The following PIK3CG variants were observed in gnomAD, a reference collection of about 807,000 sequenced individuals.
PIK3CG encodes the protein phosphatidylinositol 4,5-bisphosphate 3-kinase catalytic subunit gamma isoform.
In PIK3CG, 55 loss-of-function variants were observed where a neutral mutation model predicts 102.3. The ratio of observed to expected loss-of-function variants is 0.54; its 90% CI spans 0.43 to 0.67. The LOEUF is 0.67. Among genes scored for constraint, PIK3CG ranks in the 30% least tolerant of loss-of-function variants. The pLI is 0.00. For synonymous variants in PIK3CG, 552 were observed against 540.0 expected (o/e 1.02, Z -0.31); for missense variants, 1,258 against 1,391.8 (o/e 0.90, Z 1.53).
chr7:106,885,620 T>C (rs1791063862), intron 9 of PIK3CG, among the ~76,000 whole-genome samples: 1 of 152,076 alleles, frequency 6.6e-6, no homozygotes, highest in South Asian at 2.1e-4. Flanking sequence ...GTAGTAGTGG[T>C]AGAAATTGAC....
rs1790884136 is a variant in PIK3CG at position 106,879,978 on chromosome 7, A to G, written c.2538+313A>G. Among the ~76,000 whole-genome samples, 2 of 152,210 alleles carry G rather than the reference A, an allele frequency of 1.3e-5. No individual in the cohort carries two copies. The highest frequency in any genetic ancestry group is 2.9e-5 in the Non-Finnish European group (2 of 68,042). ...GATAACATAGAAAATAGCCATATTT[A>G]TCCCCAGCACTCACTTCATTCCTGC... On this transcript the variant is annotated intron_variant, in intron 6 of 10. Transcript: ENST00000496166. The surrounding 1 kb of genome is among the most constrained non-coding windows in gnomAD (Gnocchi z 4.9).
rs150928960 is a variant in PIK3CG at position 106,890,978 on chromosome 7, C to T, written c.3030+4686C>T. Among the ~76,000 whole-genome samples, 2 of 152,384 alleles carry T rather than the reference C, an allele frequency of 1.3e-5. No homozygotes were observed. The highest frequency in any genetic ancestry group is 3.9e-4 in the East Asian group (2 of 5,188). On this transcript the variant is annotated intron_variant, in intron 10 of 10. Coordinates refer to ENST00000496166, the MANE Select transcript of PIK3CG (RefSeq NM_001282426.2). This position sits in a 1 kb window ranked among gnomAD's most constrained non-coding sequence, Gnocchi z 4.2. ...CTAAATCAGGTTCCCTCCTGTTACC[C>T]TTTGCCACAGTCCCCTGCCAGGTCC... is the stretch of plus-strand genomic sequence containing the variant.
intron 5 of PIK3CG, among the ~76,000 whole-genome samples, chr7:106,875,306 G>C (rs1790687126): frequency 6.7e-6 from 1 of 148,352 alleles, no homozygotes; most frequent in Non-Finnish European, 1.5e-5. Context: ...GTTGCAGTGA[G>C]CCAAGATCAC....
At position 106,868,069 on chromosome 7, in the gene PIK3CG, G is replaced by A. The variant is rs1406220505; in HGVS notation, c.508G>A (p.Asp170Asn). The A allele has an allele frequency of 3.1e-6, 5 of 1,612,806 alleles. No homozygotes were observed. Among genetic ancestry groups the A allele is most frequent in the East Asian group, 2.2e-5 (1 of 44,822 alleles). The change falls in exon 2 of 11, where the codon GAC (aspartate) becomes AAC (asparagine). Residue 170 changes from aspartate to asparagine, a missense_variant. Asp to Asn is a conservative substitution (Grantham distance 23). Coordinates refer to ENST00000496166, the MANE Select transcript of PIK3CG (RefSeq NM_001282426.2). The surrounding 1 kb of genome is among the most constrained non-coding windows in gnomAD (Gnocchi z 6.2). ...YDVTDVSNVH[D>N]DELEFTRRGL... ...CGTCACTGACGTCAGCAACGTGCAC[G>A]ACGATGAGCTGGAGTTCACGCGCCG...
chr7:106,875,348 AGACTCC>A (rs1790688382), intron 5 of PIK3CG, among the ~76,000 whole-genome samples: 1 of 132,014 alleles, frequency 7.6e-6, no homozygotes, highest in Admixed American at 8.1e-5. Flanking sequence ...TGACAGAGCA[AGACTCC>A]GTCTCAAAAA....
At chr7:106,901,585 G>A (rs1018281712) in intron 10 of PIK3CG, among the ~76,000 whole-genome samples, 7 of 152,152 alleles carry the variant, frequency 4.6e-5, no homozygotes, top group Admixed American at 6.5e-5. Flanking sequence ...GCCTGGTTAA[G>A]AACTCTTGTT....
intron 5 of PIK3CG, among the ~76,000 whole-genome samples, chr7:106,875,704 T>A (rs2116504131): frequency 6.6e-6 from 1 of 152,340 alleles, no homozygotes; most frequent in East Asian, 1.9e-4. Context: ...TAGTCCCTTG[T>A]ATGGATATAC....
At chr7:106,898,692 T>C (rs1791468488) in intron 10 of PIK3CG, among the ~76,000 whole-genome samples, 1 of 152,184 alleles carries the variant, frequency 6.6e-6, no homozygotes, top group Non-Finnish European at 1.5e-5. Flanking sequence ...CAGTCATAGA[T>C]GTGTGGCCTT....
rs1418647394 is a variant in PIK3CG at position 106,891,111 on chromosome 7, C to T, written c.3030+4819C>T. 1.3e-5 allele frequency among the ~76,000 whole-genome samples: 2 copies of T among 152,218 alleles called. No individual in the cohort carries two copies. The highest frequency in any genetic ancestry group is 2.4e-5 in the African/African-American group (1 of 41,466). ...GCAGGGCCACATGTGTCCTGTGTCC[C>T]TCACAAGGGGCTGAGCCACGGTAAG... On this transcript the variant is annotated intron_variant, in intron 10 of 10. Transcript: ENST00000496166. This position sits in a 1 kb window ranked among gnomAD's most constrained non-coding sequence, Gnocchi z 4.4.
Position 106,874,798 on chromosome 7 carries a change from C to A in PIK3CG, c.2386C>A (p.Leu796Met). ...PYDPGLKAGA[L>M]AIEKCKVMAS... is the part of the protein sequence containing the mutation. ...TGATCCTGGACTGAAAGCAGGAGCG[C>A]TGGCAGTAGGTATCACTTGGATGTC... is the stretch of plus-strand genomic sequence containing the variant. The change falls in exon 5 of 11, where the codon CTG becomes ATG. Residue 796 changes from leucine to methionine, a missense_variant. Around this residue, in one of 2 missense-constraint regions of PIK3CG, gnomAD observed 426 missense variants for 604.2 expected, o/e 0.71. Transcript: ENST00000496166. This position sits in a 1 kb window ranked among gnomAD's most constrained non-coding sequence, Gnocchi z 4.3. 6.2e-7 allele frequency: 1 copy of A among 1,607,144 alleles called. No individual in the cohort carries two copies. Among genetic ancestry groups the A allele is most frequent in the South Asian group, 1.1e-5 (1 of 90,870 alleles).
At chr7:106,866,758 T>G (rs1436671559) in intron 1 of PIK3CG, among the ~76,000 whole-genome samples, 2 of 152,254 alleles carry the variant, frequency 1.3e-5, no homozygotes, top group Non-Finnish European at 2.9e-5. Context: ...ATTCAAAATT[T>G]TACATATCTG....
chr7:106,886,745 A>G (rs527465990), intron 10 of PIK3CG, among the ~76,000 whole-genome samples: 65 of 152,356 alleles, frequency 4.3e-4, no homozygotes, highest in African/African-American at 1.5e-3. Flanking sequence ...CGATGTGCCA[A>G]CTGGGCTTAT....
rs1050772027 is a variant in PIK3CG, at chr7:106,891,853, T to G, written c.3030+5561T>G. Among the ~76,000 whole-genome samples, 1 of 151,884 alleles carries G rather than the reference T, an allele frequency of 6.6e-6. No individual in the cohort carries two copies. The highest frequency in any genetic ancestry group is 1.5e-5 in the Non-Finnish European group (1 of 67,972). On this transcript the variant is annotated intron_variant, in intron 10 of 10. Transcript: ENST00000496166. This position sits in a 1 kb window ranked among gnomAD's most constrained non-coding sequence, Gnocchi z 4.4. ...TTATCAGGCCCACCCTGTTTCCAGT[T>G]CCGCAGTCTTATCCCCATGCCAGCG...
intron 5 of PIK3CG, among the ~76,000 whole-genome samples, chr7:106,878,609 G>A (rs1432704531): frequency 1.3e-5 from 2 of 152,120 alleles, no homozygotes; most frequent in African/African-American, 2.4e-5. Flanking sequence ...GGGGATCACG[G>A]ACCTACACTG....
In PIK3CG at chr7:106,905,013, G is replaced by A. The variant is rs1791652011; in HGVS notation, c.3031-96G>A. ...CTTGATGGTTTCTTCTCATGGACAG[G>A]TAACTCTATGTACATTTCAGTACAT... On this transcript the variant is annotated intron_variant, in intron 10 of 10. Transcript: ENST00000496166. This position sits in a 1 kb window ranked among gnomAD's most constrained non-coding sequence, Gnocchi z 5.6. The A allele has an allele frequency of 2.8e-6, 3 of 1,073,682 alleles. No homozygotes were observed. Among genetic ancestry groups the A allele is most frequent in the Admixed American group, 2.2e-5 (1 of 45,144 alleles). The allele number at this position is 1,073,682 out of a possible 1,614,324, so 66.5% of individuals were successfully genotyped here. A position where few individuals can be genotyped will look rare whatever the true frequency, so the allele number is the denominator to read the frequency against.
intron 10 of PIK3CG, among the ~76,000 whole-genome samples, 164 bp downstream of exon 10, chr7:106,886,456 A>C (rs41276175): frequency 0.027 from 4,066 of 152,130 alleles, 78 homozygotes; most frequent in Non-Finnish European, 0.043. Context: ...ACTTCCATTC[A>C]TTCCTTTCCC....
intron 6 of PIK3CG, among the ~76,000 whole-genome samples, chr7:106,881,756 A>G (rs1267091259): frequency 1.3e-5 from 2 of 152,174 alleles, no homozygotes; most frequent in Non-Finnish European, 2.9e-5. Context: ...AGGCTGAGGC[A>G]GGAGAATCAC....
chr7:106,889,057 C>T (rs1584340312), intron 10 of PIK3CG, among the ~76,000 whole-genome samples: 1 of 152,210 alleles, frequency 6.6e-6, no homozygotes, highest in East Asian at 1.9e-4. Flanking sequence ...ACTTTGAAAA[C>T]TTTTAAGTTG....
rs1790404835 is a variant in PIK3CG, at chr7:106,868,513, G to A, written c.952G>A (p.Val318Met). The change falls in exon 2 of 11, where the codon GTG becomes ATG. Residue 318 changes from valine to methionine, a missense_variant. Physicochemically the swap from Val to Met is conservative, Grantham distance 21. Transcript: ENST00000496166. This position sits in a 1 kb window ranked among gnomAD's most constrained non-coding sequence, Gnocchi z 6.2. ...GCCTCCAGACCCGGCCCTAGACGAG[G>A]TGAGGAAGGAAGAGTGGCCACTGGT... ...DTPPDPALDE[V>M]RKEEWPLVDD... 1.9e-6 allele frequency: 3 copies of A among 1,614,172 alleles called. No homozygotes were observed. The East Asian group carries it at 6.7e-5, about 36-fold the overall frequency.
Sources: gnomAD v4.1 joint callset for allele counts (sites outside exome capture counted in the v4.1 genomes callset) on GRCh38, gnomAD v4.1.1 for gene constraint, gnomAD v4.1.1 regional missense constraint, Gnocchi (gnomAD v3.1) non-coding constraint, MANE v1.5 for transcripts, NCBI Gene and HGNC (gene_info 2026-07-23, HGNC 2026-07-21) for gene names.